Variants in TFDP2 observed in about 807,000 individuals in gnomAD.
TFDP2 encodes transcription factor Dp-2 (E2F dimerization partner 2).
In TFDP2, 17 loss-of-function variants were observed where a neutral mutation model predicts 59.3. The observed-to-expected ratio is 0.29, with a 90% CI of 0.20 to 0.43. TFDP2 has a LOEUF of 0.43. TFDP2 is among the 20% of genes least tolerant of loss of function. The probability of loss-of-function intolerance (pLI) is 1.00; values close to 1 mark genes in which losing one functional copy is unlikely to be tolerated. For synonymous variants in TFDP2, 180 were observed against 194.7 expected (o/e 0.92, Z 0.63); for missense variants, 391 against 528.8 (o/e 0.74, Z 2.56).
intron 3 of TFDP2, among the ~76,000 whole-genome samples, chr3:142,013,957 G>A (rs1944922684): frequency 6.6e-6 from 1 of 151,694 alleles, no homozygotes; most frequent in South Asian, 2.1e-4. Context: ...ATTAGCTTTA[G>A]GAAAAACCTT....
intron 3 of TFDP2, among the ~76,000 whole-genome samples, chr3:142,020,576 TAGGTCAA>T (rs1945510913): frequency 1.3e-5 from 2 of 151,472 alleles, no homozygotes; most frequent in African/African-American, 4.9e-5. Flanking sequence ...TCAGGCTCTG[TAGGTCAA>T]CAGCATCACC....
At chr3:142,140,837 T>C (rs11715450) in intron 1 of TFDP2, among the ~76,000 whole-genome samples, 12,641 of 152,186 alleles carry the variant, frequency 0.083, 648 homozygotes, top group Middle Eastern at 0.14. Context: ...GCTACACGGG[T>C]GTCAGGGACC....
intron 3 of TFDP2, among the ~76,000 whole-genome samples, chr3:142,091,575 AAT>A (rs2060998213): frequency 6.6e-6 from 1 of 151,878 alleles, no homozygotes. Context: ...CCAAAAAAAA[AAT>A]AAATAAAATA....
intron 3 of TFDP2, among the ~76,000 whole-genome samples, chr3:142,007,307 C>T (rs1435607516): frequency 1.3e-5 from 2 of 151,124 alleles, no homozygotes; most frequent in Admixed American, 6.6e-5. Flanking sequence ...GCTTCTCCTT[C>T]CTGTTCTCAC....
At position 142,141,781 on chromosome 3, in the gene TFDP2, C is replaced by G. The variant is rs551252725; in HGVS notation, c.-93+7402G>C. 7.4e-4 allele frequency among the ~76,000 whole-genome samples: 113 copies of G among 152,052 alleles called. 1 individual carries two copies. The highest frequency in any genetic ancestry group is 2.7e-3 in the African/African-American group (110 of 41,456). On this transcript the variant is annotated intron_variant, in intron 1 of 12. Coordinates refer to ENST00000489671, the MANE Select transcript of TFDP2 (RefSeq NM_001178139.2). ...GAGGTTGCAGTGAGCCGATATCATG[C>G]CACTGCACTCCAGCCTGGGTGACAG...
intron 3 of TFDP2, among the ~76,000 whole-genome samples, chr3:142,014,981 C>A (rs11716148): frequency 2.0e-5 from 3 of 152,152 alleles, no homozygotes; most frequent in Admixed American, 2.0e-4. Context: ...CCCCACAATT[C>A]CACTGAAATT....
At chr3:142,002,165 T>G (rs1943837046) in intron 4 of TFDP2, among the ~76,000 whole-genome samples, 1 of 151,946 alleles carries the variant, frequency 6.6e-6, no homozygotes, top group Non-Finnish European at 1.5e-5. Context: ...CGGCTAATTT[T>G]TGTATTTTTA....
chr3:142,062,468 T>A (rs2059953684), intron 3 of TFDP2, among the ~76,000 whole-genome samples: 3 of 151,098 alleles, frequency 2.0e-5, no homozygotes, highest in African/African-American at 7.3e-5. Context: ...GAGACAGCGG[T>A]TCTGATTCTT....
At chr3:142,011,846 C>A (rs965681093) in intron 3 of TFDP2, among the ~76,000 whole-genome samples, 2 of 151,994 alleles carry the variant, frequency 1.3e-5, no homozygotes, top group African/African-American at 4.8e-5. Flanking sequence ...TCCCTGCACT[C>A]AAGGGACTAA....
chr3:142,124,506 A>C (rs1560169606), intron 1 of TFDP2, among the ~76,000 whole-genome samples: 4 of 152,222 alleles, frequency 2.6e-5, no homozygotes, highest in Non-Finnish European at 5.9e-5. Context: ...GTGACAACTG[A>C]GTAATCATAT....
intron 2 of TFDP2, 31 bp downstream of exon 2, chr3:142,101,704 T>C (rs1257443022): frequency 7.5e-7 from 1 of 1,336,024 alleles, no homozygotes; most frequent in Non-Finnish European, 1.0e-6. Flanking sequence ...CTTTAAACAA[T>C]ACTTACATTA....
chr3:142,071,278 C>T (rs1284212884), intron 3 of TFDP2, among the ~76,000 whole-genome samples: 1 of 151,844 alleles, frequency 6.6e-6, no homozygotes, highest in African/African-American at 2.4e-5. Flanking sequence ...TGCCTCAGCC[C>T]CCCTAGTAGC....
chr3:141,964,095 T>A, intron 9 of TFDP2, 132 bp from the exon 10 acceptor site: 2 of 740,286 alleles, frequency 2.7e-6, no homozygotes, highest in Non-Finnish European at 4.1e-6. Flanking sequence ...ACTAATGAAT[T>A]AATTTAAAAA....
chr3:142,024,985 A>G (rs1438398879), intron 3 of TFDP2, among the ~76,000 whole-genome samples: 1 of 151,224 alleles, frequency 6.6e-6, no homozygotes, highest in Non-Finnish European at 1.5e-5. Flanking sequence ...GTGCCACTGC[A>G]CTCCAGCCCA....
At chr3:142,101,913 G>A (rs1180208720) in intron 1 of TFDP2, 72 bp from the exon 2 acceptor site, 1 of 446,534 alleles carries the variant, frequency 2.2e-6, no homozygotes, top group Admixed American at 3.7e-5. Context: ...TATTTACTAT[G>A]TGACATGCAT....
chr3:142,053,198 G>A (rs6793740), intron 3 of TFDP2, among the ~76,000 whole-genome samples: 11,516 of 152,086 alleles, frequency 0.076, 1,434 homozygotes, highest in African/African-American at 0.26. Flanking sequence ...ATGTTTGTCC[G>A]CTCCAAATCT....
chr3:142,023,584 C>T (rs1945837437), intron 3 of TFDP2, among the ~76,000 whole-genome samples: 1 of 152,118 alleles, frequency 6.6e-6, no homozygotes. Flanking sequence ...CAGTTCTTCT[C>T]CTTAGCAAAT....
Position 141,969,942 on chromosome 3 carries a change from G to A in TFDP2, c.732+131C>T, listed in dbSNP as rs941656511. On this transcript the variant is annotated intron_variant, in intron 9 of 12. Transcript: ENST00000489671. The stretch of plus-strand genomic sequence containing the variant: ...CACGTGGATGGCAACAAGCTAGGAG[G>A]TGAGAGAGGCTGCCCTGGCGTGGGC... 3.8e-4 allele frequency: 318 copies of A among 827,598 alleles called. 1 individual carries two copies. Among genetic ancestry groups the A allele is most frequent in the Admixed American group, 3.0e-4 (16 of 53,460 alleles). 51.3% of individuals were successfully genotyped at this position (827,598 alleles called of 1,614,324 possible). A position where few individuals can be genotyped will look rare whatever the true frequency, so the allele number is the denominator to read the frequency against.
chr3:141,968,911 T>TG (rs1299922326), intron 9 of TFDP2, among the ~76,000 whole-genome samples: 4 of 97,060 alleles, frequency 4.1e-5, no homozygotes, highest in Non-Finnish European at 5.8e-5. Flanking sequence ...CTCATATATA[T>TG]AGATATATAT....
Sources: allele counts gnomAD v4.1 joint callset (sites outside exome capture counted in the v4.1 genomes callset), GRCh38; gene constraint gnomAD v4.1.1; transcripts MANE v1.5; gene names NCBI Gene and HGNC (gene_info 2026-07-23, HGNC 2026-07-21).